CRHR2: variants seen among roughly 807,000 people sequenced by gnomAD.
The protein encoded by CRHR2 is corticotropin releasing hormone receptor 2.
CRHR2 carries 53 observed loss-of-function variants against 57.9 expected under a neutral mutation model. The observed-to-expected ratio is 0.92, with a 90% confidence interval of 0.73 to 1.15. The LOEUF (loss-of-function observed/expected upper bound fraction) is 1.15. CRHR2 is among the 50% of genes most tolerant of loss of function. CRHR2 has a pLI of 0.00. For synonymous variants in CRHR2, 213 were observed against 220.9 expected, an observed-to-expected ratio of 0.96 and a Z score of 0.32; for missense variants, 532 against 542.6, an observed-to-expected ratio of 0.98 and a Z score of 0.19.
At chr7:30,681,192 A>C (rs1195509024) in intron 2 of CRHR2, among the ~76,000 whole-genome samples, 1 of 152,156 alleles carries the variant, frequency 6.6e-6, no homozygotes, top group African/African-American at 2.4e-5. Flanking sequence ...GCCTCAAGCC[A>C]GTCCATGATT....
Position 30,697,282 on chromosome 7 carries a change from C to T in CRHR2, c.-261+2662G>A, listed in dbSNP as rs1584148217. ...GGGCAAGAGGTCACAGAGGCACCAT[C>T]CTGAGACCCTGGGGGGTGTCTCGCT... On this transcript the variant is annotated intron_variant, in intron 1 of 13. Transcript: ENST00000341843. Among the ~76,000 whole-genome samples, 3 of 152,186 alleles carry T rather than the reference C, an allele frequency of 2.0e-5. No individual in the cohort carries two copies. In the East Asian group the frequency reaches 5.8e-4, roughly 29 times the overall value.
chr7:30,659,102 G>T lies in CRHR2; in HGVS notation c.831+1471C>A, dbSNP rs575779246. Among the ~76,000 whole-genome samples the T allele has an allele frequency of 1.3e-5, 2 of 152,348 alleles. 1 individual carries two copies. Among genetic ancestry groups the T allele is most frequent in the South Asian group, 4.1e-4 (2 of 4,832 alleles). On this transcript the variant is annotated intron_variant, in intron 8 of 11. Transcript: ENST00000471646. ...TTCTTTTAGGACTTGAGCATGCAAGGGTTGGAAATAATGTAGATAGAGCTT... is the reference window on the plus strand; with the variant it reads ...TTCTTTTAGGACTTGAGCATGCAAGTGTTGGAAATAATGTAGATAGAGCTT...
At chr7:30,700,057 G>A in exon 1 of CRHR2, 2 of 1,371,794 alleles carry the variant, frequency 1.5e-6, no homozygotes, top group Non-Finnish European at 1.9e-6. Context: ...GGGGGTTAGG[G>A]ACTGGAGCCT....
chr7:30,681,825 G>A (rs1784716911), intron 2 of CRHR2, 90 bp downstream of exon 2: 70 of 1,485,754 alleles, frequency 4.7e-5, no homozygotes, highest in Non-Finnish European at 6.0e-5. Flanking sequence ...CAGCAGCTTT[G>A]TACCGCTGGG....
chr7:30,665,200 C>G lies in CRHR2; in HGVS notation c.426-13G>C. On this transcript the variant is annotated splice_polypyrimidine_tract_variant and intron_variant, in intron 4 of 11. Transcript: ENST00000471646. The surrounding 1 kb of genome is among the most constrained non-coding windows in gnomAD (Gnocchi z 4.5). ...ACAGCGAATGCTCCTGTGGGAGGTGCAGGTCAGGGGTCAGCCAGGTTCAGG... is the reference window on the plus strand; with the variant it reads ...ACAGCGAATGCTCCTGTGGGAGGTGGAGGTCAGGGGTCAGCCAGGTTCAGG... The G allele has an allele frequency of 6.2e-7, 1 of 1,610,802 alleles. No individual in the cohort carries two copies. The highest frequency in any genetic ancestry group is 8.5e-7 in the Non-Finnish European group (1 of 1,177,128).
intron 5 of CRHR2, among the ~76,000 whole-genome samples, chr7:30,664,580 T>G (rs1784116133): frequency 6.6e-6 from 1 of 152,116 alleles, no homozygotes; most frequent in African/African-American, 2.4e-5. Context: ...TAAATGTGTC[T>G]AGAGTCAGCT....
At chr7:30,664,010 G>A (rs759954609) in intron 5 of CRHR2, among the ~76,000 whole-genome samples, 3 of 152,192 alleles carry the variant, frequency 2.0e-5, no homozygotes, top group Non-Finnish European at 4.4e-5. Flanking sequence ...AGAAAGTCCT[G>A]CTGAGGTGGG....
In CRHR2 at chr7:30,665,335, C is replaced by CG. The variant is rs1784144897; in HGVS notation, c.426-149_426-148insC. ...ACCCATGGTGGCCACAGTTGGGCCT[C>CG]TGAGTCCAGCTCCCACTCTGCACCC... On this transcript the variant is annotated intron_variant, in intron 4 of 11. Transcript: ENST00000471646. This position sits in a 1 kb window ranked among gnomAD's most constrained non-coding sequence, Gnocchi z 4.5. The CG allele has an allele frequency of 8.4e-6, 7 of 831,486 alleles. No individual in the cohort carries two copies. In the East Asian group the frequency reaches 1.9e-4, roughly 22 times the overall value. The allele number at this position is 831,486 out of a possible 1,614,324, so 51.5% of individuals were successfully genotyped here.
upstream of CRHR2, chr7:30,686,284 T>C: frequency 2.2e-6 from 3 of 1,356,730 alleles, no homozygotes; most frequent in Non-Finnish European, 2.9e-6. Context: ...TACCAGCCCA[T>C]GCCTCCCCAA....
intron 8 of CRHR2, among the ~76,000 whole-genome samples, chr7:30,657,658 C>A (rs1783838442): frequency 6.6e-6 from 1 of 152,136 alleles, no homozygotes; most frequent in Non-Finnish European, 1.5e-5. Flanking sequence ...TTCCAACATC[C>A]ATCAACCCAC....
At chr7:30,692,427 C>T (rs1430749168) in intron 1 of CRHR2, among the ~76,000 whole-genome samples, 1 of 152,202 alleles carries the variant, frequency 6.6e-6, no homozygotes, top group Non-Finnish European at 1.5e-5. Flanking sequence ...ACTGAGCTCG[C>T]CCCTCAGCGG....
intron 2 of CRHR2, among the ~76,000 whole-genome samples, chr7:30,677,855 A>C (rs985418762): frequency 2.0e-5 from 3 of 152,230 alleles, no homozygotes; most frequent in African/African-American, 7.2e-5. Flanking sequence ...GGATCGCTTG[A>C]GTCTGGGAGT....
rs892008726 is a variant in CRHR2 at position 30,668,920 on chromosome 7, G to C, written c.230-1607C>G. 7.2e-5 allele frequency among the ~76,000 whole-genome samples: 11 copies of C among 152,310 alleles called. No homozygotes were observed. The Middle Eastern group carries it at 0.014, about 188-fold the overall frequency. On this transcript the variant is annotated intron_variant, in intron 2 of 11. Transcript: ENST00000471646. Reference sequence around the variant, plus strand: ...AGCCATGGCGCCCAACTCCCCAGGTGGGATCTAATTTGATACCTAGCACTA... The same window carrying C: ...AGCCATGGCGCCCAACTCCCCAGGTCGGATCTAATTTGATACCTAGCACTA...
At chr7:30,694,809 A>G (rs111257292) in intron 1 of CRHR2, among the ~76,000 whole-genome samples, 2,369 of 150,780 alleles carry the variant, frequency 0.016, 75 homozygotes, top group African/African-American at 0.055. Flanking sequence ...GGAGGAGAAG[A>G]CTGGAAAAGA....
upstream of CRHR2, among the ~76,000 whole-genome samples, chr7:30,684,272 G>T (rs1414823192): frequency 2.0e-5 from 3 of 152,236 alleles, no homozygotes; most frequent in Admixed American, 6.5e-5. Flanking sequence ...GGCTGGCCAG[G>T]TCAGCCCATG....
intron 7 of CRHR2, among the ~76,000 whole-genome samples, chr7:30,661,470 G>A (rs1783996692): frequency 6.6e-6 from 1 of 152,152 alleles, no homozygotes; most frequent in Non-Finnish European, 1.5e-5. Context: ...TCTTCCTAAT[G>A]TTGAGCTCCT....
At chr7:30,681,433 G>A (rs1784700978) in intron 2 of CRHR2, among the ~76,000 whole-genome samples, 1 of 152,134 alleles carries the variant, frequency 6.6e-6, no homozygotes, top group Non-Finnish European at 1.5e-5. Flanking sequence ...GCTCGCCCCA[G>A]CCCTCCTGCC....
upstream of CRHR2, chr7:30,682,588 G>T: frequency 3.9e-6 from 4 of 1,023,652 alleles, no homozygotes; most frequent in Non-Finnish European, 4.9e-6. Flanking sequence ...CAGCCCCCGG[G>T]CCCTCCACCC....
chr7:30,661,158 G>A (rs1390797208), intron 7 of CRHR2, among the ~76,000 whole-genome samples: 2 of 152,256 alleles, frequency 1.3e-5, no homozygotes, highest in African/African-American at 2.4e-5. Flanking sequence ...CCAGTGAGGG[G>A]AGCTGCTGCC....
Sources: gnomAD v4.1 joint callset for allele counts (sites outside exome capture counted in the v4.1 genomes callset) on GRCh38, gnomAD v4.1.1 for gene constraint, Gnocchi (gnomAD v3.1) non-coding constraint, MANE v1.5 for transcripts, NCBI Gene and HGNC (gene_info 2026-07-23, HGNC 2026-07-21) for gene names.